The following TMCC1 variants were observed in gnomAD, a reference collection of about 807,000 sequenced individuals.
TMCC1 encodes transmembrane and coiled-coil domain family 1, also known as transmembrane and coiled-coil domains protein 1.
A neutral mutation model predicts 52.4 loss-of-function variants in TMCC1; 15 were observed. The ratio of observed to expected loss-of-function variants is 0.29; its 90% CI spans 0.19 to 0.44. The LOEUF is 0.44. TMCC1 is among the 20% of genes least tolerant of loss of function. The pLI, the probability that TMCC1 is intolerant of heterozygous loss-of-function variation, is 1.00. For missense variants in TMCC1, 503 were observed against 806.0 expected, an observed-to-expected ratio of 0.62 and a Z score of 4.55; for synonymous variants, 279 against 301.9, an observed-to-expected ratio of 0.92 and a Z score of 0.79.
intron 5 of TMCC1, among the ~76,000 whole-genome samples, chr3:129,668,603 T>C (rs886915782): frequency 2.0e-5 from 3 of 152,208 alleles, no homozygotes; most frequent in African/African-American, 7.2e-5. Flanking sequence ...TAAGATACTG[T>C]CTTCTCAGTA....
At chr3:129,756,705 G>C (rs2053046548) in intron 4 of TMCC1, among the ~76,000 whole-genome samples, 1 of 152,158 alleles carries the variant, frequency 6.6e-6, no homozygotes, top group Admixed American at 6.5e-5. Flanking sequence ...CCAGATGGAT[G>C]AATCTTAATG....
At chr3:129,791,287 G>T (rs1039922299) in intron 4 of TMCC1, among the ~76,000 whole-genome samples, 3 of 151,912 alleles carry the variant, frequency 2.0e-5, no homozygotes, top group African/African-American at 7.3e-5. Flanking sequence ...TAGAGATGGG[G>T]TTTCACCATG....
In TMCC1 at chr3:129,754,168, C is replaced by T. The variant is rs565101364; in HGVS notation, c.576+73635G>A. ...CATTAAAGGAGCACTTAGCTATAAA[C>T]GTGACAAAATATATGCAGGATCTGT... On this transcript the variant is annotated intron_variant, in intron 4 of 6. Coordinates refer to ENST00000393238, the MANE Select transcript of TMCC1 (RefSeq NM_001017395.5). Among the ~76,000 whole-genome samples, 8 of 152,224 alleles carry T rather than the reference C, an allele frequency of 5.3e-5. No individual in the cohort carries two copies. In the South Asian group the frequency reaches 1.2e-3, roughly 24 times the overall value.
chr3:129,889,654 C>T (rs567776475), intron 1 of TMCC1, among the ~76,000 whole-genome samples: 6 of 152,194 alleles, frequency 3.9e-5, no homozygotes, highest in Admixed American at 6.5e-5. Flanking sequence ...TTATGATCAA[C>T]GGCATCCCTG....
At chr3:129,838,424 A>C (rs1415651333) in intron 2 of TMCC1, among the ~76,000 whole-genome samples, 1 of 151,694 alleles carries the variant, frequency 6.6e-6, no homozygotes, top group Admixed American at 6.6e-5. Flanking sequence ...ATAAAAGAAA[A>C]AGAAAAAAAG....
intron 4 of TMCC1, among the ~76,000 whole-genome samples, chr3:129,751,553 A>T (rs2052527841): frequency 1.3e-5 from 2 of 148,992 alleles, no homozygotes; most frequent in Admixed American, 6.8e-5. Flanking sequence ...ACCAACCCTA[A>T]ACACAATAGT....
chr3:129,711,975 C>T (rs2048724444), intron 4 of TMCC1, among the ~76,000 whole-genome samples: 1 of 119,808 alleles, frequency 8.3e-6, no homozygotes, highest in South Asian at 2.9e-4. Flanking sequence ...GCATTCCAGC[C>T]TGGGCGACAG....
In TMCC1 at chr3:129,651,912, G is replaced by A. The variant is rs2310918; in HGVS notation, c.1648-117C>T. 7.9e-6 allele frequency: 7 copies of A among 886,396 alleles called. No individual in the cohort carries two copies. The highest frequency in any genetic ancestry group is 1.2e-4 in the East Asian group (1 of 8,480). The allele number at this position is 886,396 out of a possible 1,614,324, so 54.9% of individuals were successfully genotyped here. On this transcript the variant is annotated intron_variant, in intron 6 of 6. Transcript: ENST00000393238. This position sits in a 1 kb window ranked among gnomAD's most constrained non-coding sequence, Gnocchi z 5.1. ...GCAATGCCAATGATTTTATAAATATGCTGGAGCCTTGAATGAATGTAAAAG... is the reference window on the plus strand; with the variant it reads ...GCAATGCCAATGATTTTATAAATATACTGGAGCCTTGAATGAATGTAAAAG...
chr3:129,676,155 A>G (rs571970737), intron 4 of TMCC1, among the ~76,000 whole-genome samples: 202 of 151,916 alleles, frequency 1.3e-3, no homozygotes, highest in Non-Finnish European at 2.4e-3. Context: ...CAGCAGTCCC[A>G]GCTACTCAAC....
chr3:129,750,149 G>A (rs1037088511), intron 4 of TMCC1, among the ~76,000 whole-genome samples: 4 of 152,022 alleles, frequency 2.6e-5, no homozygotes, highest in Non-Finnish European at 4.4e-5. Flanking sequence ...GTAAAAGAAT[G>A]TTTCAAAATC....
At chr3:129,813,803 T>TAA (rs200391975) in intron 4 of TMCC1, among the ~76,000 whole-genome samples, 1 of 141,832 alleles carries the variant, frequency 7.1e-6, no homozygotes, top group Non-Finnish European at 1.5e-5. Flanking sequence ...AAATAAAAGT[T>TAA]AAAAAAAAAA....
intron 2 of TMCC1, among the ~76,000 whole-genome samples, chr3:129,861,172 G>A (rs966652567): frequency 2.0e-5 from 3 of 152,110 alleles, no homozygotes; most frequent in Non-Finnish European, 2.9e-5. Flanking sequence ...CGGGCGCAGT[G>A]GCTCACACCT....
chr3:129,759,709 A>ATTTTTTTTTTT (rs1560350161), intron 4 of TMCC1, among the ~76,000 whole-genome samples: 10 of 98,356 alleles, frequency 1.0e-4, no homozygotes, highest in African/African-American at 3.9e-4. Context: ...AGCCAGCCAA[A>ATTTTTTTTTTT]CTTTTTTTTT....
chr3:129,808,510 TA>T (rs911393698), intron 4 of TMCC1, among the ~76,000 whole-genome samples: 55 of 149,882 alleles, frequency 3.7e-4, no homozygotes, highest in East Asian at 1.7e-3. Context: ...TAATAAAATT[TA>T]AAAAAAAGAA....
chr3:129,808,428 G>A lies in TMCC1; in HGVS notation c.576+19375C>T, dbSNP rs367597679. On this transcript the variant is annotated intron_variant, in intron 4 of 6. Coordinates refer to ENST00000393238, the MANE Select transcript of TMCC1 (RefSeq NM_001017395.5). ...ACCCAGGAGGTGGAGGTTGCAATGA[G>A]CCAAGATCACACCACTGAACTCCAG... Among the ~76,000 whole-genome samples the A allele has an allele frequency of 3.3e-5, 5 of 151,820 alleles. No individual in the cohort carries two copies. The South Asian group carries it at 1.0e-3, about 32-fold the overall frequency.
chr3:129,731,562 A>T (rs1018363264), intron 4 of TMCC1, among the ~76,000 whole-genome samples: 1 of 152,216 alleles, frequency 6.6e-6, no homozygotes, highest in South Asian at 2.1e-4. Flanking sequence ...TGGGTGACAG[A>T]GTGAGACTCC....
chr3:129,744,555 G>C (rs559464089), intron 4 of TMCC1, among the ~76,000 whole-genome samples: 1 of 152,180 alleles, frequency 6.6e-6, no homozygotes, highest in East Asian at 1.9e-4. Context: ...CAAGCAGCTG[G>C]AACTACAAGC....
chr3:129,793,721 T>TA (rs141890586), intron 4 of TMCC1, among the ~76,000 whole-genome samples: 6 of 152,166 alleles, frequency 3.9e-5, no homozygotes, highest in Non-Finnish European at 8.8e-5. Context: ...TTTCTCAGGT[T>TA]AAAAAAACTT....
At chr3:129,709,328 C>A (rs1372553112) in intron 4 of TMCC1, among the ~76,000 whole-genome samples, 1 of 151,476 alleles carries the variant, frequency 6.6e-6, no homozygotes, top group Non-Finnish European at 1.5e-5. Flanking sequence ...AATAGCTGGG[C>A]ATGGCATGGT....
Sources: allele counts gnomAD v4.1 joint callset (sites outside exome capture counted in the v4.1 genomes callset), GRCh38; gene constraint gnomAD v4.1.1; non-coding constraint Gnocchi (gnomAD v3.1); transcripts MANE v1.5; gene names NCBI Gene and HGNC (gene_info 2026-07-23, HGNC 2026-07-21).